Variants in PRKN observed in about 807,000 individuals in gnomAD.
The protein encoded by PRKN is parkin RBR E3 ubiquitin protein ligase.
Under a neutral mutation model 59.5 loss-of-function variants are expected in PRKN, and 56 were observed. The ratio of observed to expected loss-of-function variants is 0.94; its 90% CI spans 0.76 to 1.18. The LOEUF (loss-of-function observed/expected upper bound fraction) is 1.18. PRKN is among the 50% of genes most tolerant of loss of function. The pLI is 0.00. For synonymous variants in PRKN, 250 were observed against 222.1 expected, an observed-to-expected ratio of 1.13 and a Z score of -1.12; for missense variants, 657 against 596.4, an observed-to-expected ratio of 1.10 and a Z score of -1.06.
intron 6 of PRKN, among the ~76,000 whole-genome samples, chr6:161,824,945 A>G (rs555297124): frequency 2.4e-4 from 36 of 152,362 alleles, no homozygotes; most frequent in South Asian, 1.2e-3. Flanking sequence ...AAGACTTGAA[A>G]TGCTCTGCAA....
chr6:162,299,780 C>T (rs1781860377), intron 2 of PRKN, among the ~76,000 whole-genome samples: 1 of 152,086 alleles, frequency 6.6e-6, no homozygotes, highest in Non-Finnish European at 1.5e-5. Flanking sequence ...ACCACACTTA[C>T]TGCTTAGCAC....
At chr6:162,234,573 T>C (rs565700070) in intron 3 of PRKN, among the ~76,000 whole-genome samples, 1 of 152,292 alleles carries the variant, frequency 6.6e-6, no homozygotes, top group East Asian at 1.9e-4. Flanking sequence ...CCTACACACA[T>C]CCTACTGTAT....
chr6:161,903,788 C>A (rs945027502), intron 6 of PRKN, among the ~76,000 whole-genome samples: 1 of 139,360 alleles, frequency 7.2e-6, no homozygotes, highest in Non-Finnish European at 1.6e-5. Context: ...AGAGAACTTT[C>A]TTTTTTTCTT....
rs375364257 is a variant in PRKN at position 162,677,779 on chromosome 6, C to A, written c.7+49883G>T. ...TTCTTTGAAAAAGCGCTTACCTAGG[C>A]AAAGGACAACGTATTTTTTGAAAGC... is the stretch of plus-strand genomic sequence containing the variant. On this transcript the variant is annotated intron_variant, in intron 1 of 11. Coordinates refer to ENST00000366898, the MANE Select transcript of PRKN (RefSeq NM_004562.3). 4.6e-5 allele frequency among the ~76,000 whole-genome samples: 7 copies of A among 152,236 alleles called. No homozygotes were observed. The East Asian group carries it at 1.2e-3, about 25-fold the overall frequency.
intron 4 of PRKN, among the ~76,000 whole-genome samples, chr6:162,132,066 C>T (rs1208148965): frequency 1.3e-5 from 2 of 152,106 alleles, no homozygotes; most frequent in African/African-American, 4.8e-5. Flanking sequence ...GTTTTGTTAC[C>T]GAAGAATGAG....
At chr6:161,583,283 G>A (rs1300485418) in intron 7 of PRKN, among the ~76,000 whole-genome samples, 1 of 152,088 alleles carries the variant, frequency 6.6e-6, no homozygotes, top group Admixed American at 6.6e-5. Flanking sequence ...GTAGCAGTTA[G>A]GACAAATGGT....
chr6:161,678,858 T>A (rs541837933), intron 7 of PRKN, among the ~76,000 whole-genome samples: 8 of 152,312 alleles, frequency 5.3e-5, no homozygotes, highest in African/African-American at 1.9e-4. Flanking sequence ...TGAGCCGCTG[T>A]GCCCAGCCTA....
At chr6:162,260,634 T>G (rs1201011984) in intron 3 of PRKN, among the ~76,000 whole-genome samples, 1 of 151,942 alleles carries the variant, frequency 6.6e-6, no homozygotes, top group Non-Finnish European at 1.5e-5. Flanking sequence ...TAAAACAAAA[T>G]AAGAAGACTA....
At chr6:162,703,407 C>A (rs1778227882) in intron 1 of PRKN, among the ~76,000 whole-genome samples, 1 of 152,148 alleles carries the variant, frequency 6.6e-6, no homozygotes, top group African/African-American at 2.4e-5. Flanking sequence ...CTGTTCCATT[C>A]TATTTTAAAT....
At chr6:161,899,722 AT>A (rs1777810451) in intron 6 of PRKN, among the ~76,000 whole-genome samples, 1 of 152,102 alleles carries the variant, frequency 6.6e-6, no homozygotes, top group Non-Finnish European at 1.5e-5. Flanking sequence ...CTAACCAATT[AT>A]TTTTCTCCAG....
intron 5 of PRKN, among the ~76,000 whole-genome samples, chr6:162,044,996 G>T (rs368282379): frequency 3.3e-5 from 5 of 152,078 alleles, no homozygotes; most frequent in Admixed American, 6.5e-5. Context: ...TTGCCTACAC[G>T]TCTCACTCCA....
chr6:162,535,357 T>C (rs1357186840), intron 1 of PRKN, among the ~76,000 whole-genome samples: 1 of 152,156 alleles, frequency 6.6e-6, no homozygotes, highest in Non-Finnish European at 1.5e-5. Flanking sequence ...CCTATTATAA[T>C]ACTTAATATT....
intron 1 of PRKN, among the ~76,000 whole-genome samples, chr6:162,500,762 T>C (rs1793327963): frequency 1.3e-5 from 2 of 152,220 alleles, no homozygotes; most frequent in Admixed American, 1.3e-4. Context: ...TATCTGTATA[T>C]AACTTGAATG....
chr6:162,486,575 G>C (rs1046119041), intron 1 of PRKN, among the ~76,000 whole-genome samples: 1 of 152,154 alleles, frequency 6.6e-6, no homozygotes, highest in Non-Finnish European at 1.5e-5. Context: ...GAAGTTTCTG[G>C]GTCAGAGAAC....
intron 5 of PRKN, among the ~76,000 whole-genome samples, chr6:162,013,945 G>C (rs764134438): frequency 2.6e-5 from 4 of 152,004 alleles, no homozygotes; most frequent in Non-Finnish European, 4.4e-5. Flanking sequence ...ATTGGTTTTA[G>C]TTTGTTTTAT....
intron 5 of PRKN, among the ~76,000 whole-genome samples, chr6:161,997,513 A>G (rs1378998763): frequency 6.6e-6 from 1 of 152,190 alleles, no homozygotes; most frequent in Non-Finnish European, 1.5e-5. Flanking sequence ...CACCTAACTC[A>G]GTACCAGCCA....
At chr6:161,380,651 A>G (rs1785932859) in intron 10 of PRKN, among the ~76,000 whole-genome samples, 1 of 152,164 alleles carries the variant, frequency 6.6e-6, no homozygotes, top group African/African-American at 2.4e-5. Context: ...TCCACTAATT[A>G]TAAGAAATTC....
intron 6 of PRKN, among the ~76,000 whole-genome samples, chr6:161,927,178 A>T (rs1244145945): frequency 6.6e-6 from 1 of 152,150 alleles, no homozygotes; most frequent in African/African-American, 2.4e-5. Flanking sequence ...TTCCTTCCTT[A>T]GTAATCTTTT....
chr6:161,404,559 G>C (rs375270934), intron 9 of PRKN, among the ~76,000 whole-genome samples: 1 of 152,268 alleles, frequency 6.6e-6, no homozygotes, highest in East Asian at 1.9e-4. Flanking sequence ...GACCCCAATG[G>C]CATCTGCAAA....
Sources: allele counts gnomAD v4.1 joint callset (sites outside exome capture counted in the v4.1 genomes callset), GRCh38; gene constraint gnomAD v4.1.1; transcripts MANE v1.5; gene names NCBI Gene and HGNC (gene_info 2026-07-23, HGNC 2026-07-21).